EXOC4: variants seen among roughly 807,000 people sequenced by gnomAD.
The protein encoded by EXOC4 is SEC8-like 1.
In EXOC4, 71 loss-of-function variants were observed where a neutral mutation model predicts 107.2. The ratio of observed to expected loss-of-function variants is 0.66; its 90% CI spans 0.55 to 0.81. The LOEUF is 0.81. Ranked by LOEUF, EXOC4 falls within the 30% of genes least tolerant of loss-of-function variation. The probability of loss-of-function intolerance (pLI) is 0.00; values close to 1 mark genes in which losing one functional copy is unlikely to be tolerated. For missense variants in EXOC4, 1,108 were observed against 1,189.6 expected (o/e 0.93, Z 1.01); for synonymous variants, 456 against 441.2 (o/e 1.03, Z -0.42).
intron 11 of EXOC4, among the ~76,000 whole-genome samples, chr7:133,826,892 A>AT (rs1380164854): frequency 6.6e-6 from 1 of 152,174 alleles, no homozygotes; most frequent in Non-Finnish European, 1.5e-5. Context: ...GGATTCTAAC[A>AT]TTAACATTCT....
chr7:133,676,201 A>G (rs1483905409), intron 10 of EXOC4, among the ~76,000 whole-genome samples: 2 of 152,004 alleles, frequency 1.3e-5, no homozygotes, highest in African/African-American at 4.8e-5. Context: ...CTCATCCTCT[A>G]TATCTTCCTT....
chr7:133,823,332 T>A (rs917095888), intron 11 of EXOC4, among the ~76,000 whole-genome samples: 4 of 152,074 alleles, frequency 2.6e-5, no homozygotes, highest in Admixed American at 2.6e-4. Flanking sequence ...CCCATTAGAA[T>A]CACCCAGGAA....
At chr7:133,557,322 A>G (rs1035245620) in intron 9 of EXOC4, among the ~76,000 whole-genome samples, 6 of 151,262 alleles carry the variant, frequency 4.0e-5, no homozygotes. Context: ...TTCATTCACT[A>G]TACTCTATAT....
chr7:133,920,790 C>A (rs1799920568), intron 13 of EXOC4, among the ~76,000 whole-genome samples: 1 of 151,936 alleles, frequency 6.6e-6, no homozygotes, highest in Non-Finnish European at 1.5e-5. Flanking sequence ...TGATCTGTAT[C>A]ATTTTTCTTC....
chr7:133,573,089 G>A (rs916255130), intron 9 of EXOC4, among the ~76,000 whole-genome samples: 29 of 152,164 alleles, frequency 1.9e-4, no homozygotes, highest in Admixed American at 1.3e-4. Context: ...ACAAATAAAA[G>A]GATGTGGTCA....
At chr7:134,051,461 A>G (rs1467474572) in intron 17 of EXOC4, among the ~76,000 whole-genome samples, 1 of 152,152 alleles carries the variant, frequency 6.6e-6, no homozygotes, top group Non-Finnish European at 1.5e-5. Flanking sequence ...TCATGAGGTC[A>G]GGAGTTCAAG....
At chr7:133,424,740 C>T (rs1250360935) in intron 7 of EXOC4, among the ~76,000 whole-genome samples, 1 of 152,158 alleles carries the variant, frequency 6.6e-6, no homozygotes, top group African/African-American at 2.4e-5. Context: ...TGAATAGAGT[C>T]AGTAAATAAT....
At chr7:133,774,899 G>A (rs532185275) in intron 10 of EXOC4, among the ~76,000 whole-genome samples, 14 of 150,144 alleles carry the variant, frequency 9.3e-5, no homozygotes, top group South Asian at 2.1e-4. Context: ...TTGCTCCCCC[G>A]CCCCTCCCCC....
intron 10 of EXOC4, among the ~76,000 whole-genome samples, chr7:133,674,983 T>A (rs1794024340): frequency 6.6e-6 from 1 of 152,216 alleles, no homozygotes; most frequent in Non-Finnish European, 1.5e-5. Flanking sequence ...GGGAAAAGAC[T>A]CAGTCACATT....
intron 2 of EXOC4, among the ~76,000 whole-genome samples, chr7:133,279,782 G>A (rs545806671): frequency 1.3e-5 from 2 of 152,038 alleles, no homozygotes; most frequent in South Asian, 2.1e-4. Flanking sequence ...GTCTCCTAAA[G>A]TGCTGGGATT....
At chr7:133,708,028 A>G (rs1333017110) in intron 10 of EXOC4, among the ~76,000 whole-genome samples, 2 of 152,208 alleles carry the variant, frequency 1.3e-5, no homozygotes, top group Admixed American at 1.3e-4. Context: ...TCTGTGGTTC[A>G]TATTATTTAT....
At chr7:133,779,465 A>G (rs537709414) in intron 10 of EXOC4, among the ~76,000 whole-genome samples, 1 of 152,332 alleles carries the variant, frequency 6.6e-6, no homozygotes, top group African/African-American at 2.4e-5. Flanking sequence ...TCTTACTTCA[A>G]GTAGGCCTTT....
In EXOC4 at chr7:134,011,982, T is replaced by G. The variant is rs150946012; in HGVS notation, c.2687+4147T>G. 2.0e-3 allele frequency among the ~76,000 whole-genome samples: 297 copies of G among 150,712 alleles called. 2 individuals carry two copies. Among genetic ancestry groups the G allele is most frequent in the African/African-American group, 6.9e-3 (284 of 41,048 alleles). On this transcript the variant is annotated intron_variant, in intron 17 of 17. Transcript: ENST00000253861. ...CGTACCAGGAAAGAACGTCTAAGGG[T>G]GAAGAGCCAGAGGGAGGCATACACT...
At chr7:133,606,196 G>A (rs1416459424) in intron 9 of EXOC4, among the ~76,000 whole-genome samples, 1 of 152,014 alleles carries the variant, frequency 6.6e-6, no homozygotes, top group Non-Finnish European at 1.5e-5. Context: ...TCCCCTACAA[G>A]TCTTCTGGCC....
chr7:133,430,367 G>A (rs1797829651), intron 7 of EXOC4, among the ~76,000 whole-genome samples: 1 of 152,182 alleles, frequency 6.6e-6, no homozygotes, highest in East Asian at 1.9e-4. Flanking sequence ...GCGGGAAAAC[G>A]GGATAACTCT....
intron 16 of EXOC4, among the ~76,000 whole-genome samples, chr7:134,006,499 G>A (rs1192031872): frequency 6.6e-6 from 1 of 152,152 alleles, no homozygotes; most frequent in Admixed American, 6.5e-5. Flanking sequence ...TTGAAGCAAT[G>A]TTGTTTGAGT....
chr7:134,050,401 A>G (rs1291788848), intron 17 of EXOC4, among the ~76,000 whole-genome samples: 2 of 152,228 alleles, frequency 1.3e-5, no homozygotes, highest in African/African-American at 4.8e-5. Context: ...TTACAGGTTA[A>G]ATAACTTTCC....
At chr7:133,879,016 C>T (rs527328712) in intron 11 of EXOC4, among the ~76,000 whole-genome samples, 20 of 152,228 alleles carry the variant, frequency 1.3e-4, no homozygotes, top group African/African-American at 1.9e-4. Flanking sequence ...TGAGCCACTG[C>T]GCCTGGCCTC....
the EXOC4 span, among the ~76,000 whole-genome samples, chr7:134,089,484 C>G: frequency 2.0e-5 from 3 of 152,144 alleles, no homozygotes; most frequent in Non-Finnish European, 4.4e-5. Context: ...CTAGGACCCA[C>G]AGAAGTGCAG....
Sources: gnomAD v4.1 joint callset for allele counts (sites outside exome capture counted in the v4.1 genomes callset) on GRCh38, gnomAD v4.1.1 for gene constraint, MANE v1.5 for transcripts, NCBI Gene and HGNC (gene_info 2026-07-23, HGNC 2026-07-21) for gene names.